The following MLLT3 variants were observed in gnomAD, a reference collection of about 807,000 sequenced individuals.
MLLT3 encodes the protein protein AF-9.
MLLT3 carries 4 observed loss-of-function variants against 53.2 expected under a neutral mutation model. The ratio of observed to expected loss-of-function variants is 0.08; its 90% CI spans 0.04 to 0.17. The LOEUF (loss-of-function observed/expected upper bound fraction) is 0.17. Ranked by LOEUF, MLLT3 falls within the 10% of genes least tolerant of loss-of-function variation. MLLT3 has a pLI of 1.00. For synonymous variants in MLLT3, 283 were observed against 230.6 expected, an observed-to-expected ratio of 1.23 and a Z score of -2.06; for missense variants, 569 against 684.0, an observed-to-expected ratio of 0.83 and a Z score of 1.87.
chr9:20,571,026 T>A (rs1048781328), intron 2 of MLLT3, among the ~76,000 whole-genome samples: 5 of 152,164 alleles, frequency 3.3e-5, no homozygotes, highest in South Asian at 2.1e-4. Context: ...GCTTTATCAC[T>A]CACTGAAAAT....
chr9:20,428,540 T>G (rs1366703543), intron 4 of MLLT3, among the ~76,000 whole-genome samples: 2 of 152,086 alleles, frequency 1.3e-5, no homozygotes, highest in Non-Finnish European at 2.9e-5. Flanking sequence ...GCTACATTAA[T>G]TTTGTGGAAT....
intron 2 of MLLT3, among the ~76,000 whole-genome samples, chr9:20,582,496 T>C (rs1459017285): frequency 6.6e-6 from 1 of 152,216 alleles, no homozygotes. Flanking sequence ...ATATAATATG[T>C]AGGCTTTTCA....
chr9:20,492,506 ATATAGT>A (rs1563784948), intron 2 of MLLT3, among the ~76,000 whole-genome samples: 2 of 152,168 alleles, frequency 1.3e-5, no homozygotes, highest in Non-Finnish European at 2.9e-5. Context: ...TTTCTTGAAA[ATATAGT>A]TATAAACATA....
At chr9:20,510,404 A>T (rs1159048480) in intron 2 of MLLT3, among the ~76,000 whole-genome samples, 2 of 152,132 alleles carry the variant, frequency 1.3e-5, no homozygotes, top group Non-Finnish European at 2.9e-5. Flanking sequence ...CGAGGTCAGG[A>T]GTTCAAGAGC....
chr9:20,438,227 C>T (rs1337251971), intron 4 of MLLT3, among the ~76,000 whole-genome samples: 1 of 152,186 alleles, frequency 6.6e-6, no homozygotes, highest in Non-Finnish European at 1.5e-5. Context: ...AACAAGATAG[C>T]TTTAACATCA....
intron 2 of MLLT3, among the ~76,000 whole-genome samples, chr9:20,479,701 G>A (rs2118902967): frequency 6.6e-6 from 1 of 152,034 alleles, no homozygotes; most frequent in East Asian, 1.9e-4. Flanking sequence ...TTCCTTCCTG[G>A]GATGCTGTGA....
intron 2 of MLLT3, among the ~76,000 whole-genome samples, chr9:20,591,711 A>G (rs2131186977): frequency 6.6e-6 from 1 of 152,362 alleles, no homozygotes; most frequent in South Asian, 2.1e-4. Context: ...CACAGAAAGA[A>G]TACTTTAAGA....
chr9:20,347,208 T>A (rs904998522), intron 10 of MLLT3, among the ~76,000 whole-genome samples: 1 of 152,150 alleles, frequency 6.6e-6, no homozygotes, highest in Non-Finnish European at 1.5e-5. Context: ...ACTTGGGTGC[T>A]AGTTACATAA....
chr9:20,438,390 T>C (rs1468536941), intron 4 of MLLT3, among the ~76,000 whole-genome samples: 3 of 152,066 alleles, frequency 2.0e-5, no homozygotes, highest in African/African-American at 7.2e-5. Flanking sequence ...TGGGGTGTTA[T>C]AGAGTGGGGA....
chr9:20,565,614 C>T (rs1170644181), intron 2 of MLLT3, among the ~76,000 whole-genome samples: 10 of 151,856 alleles, frequency 6.6e-5, no homozygotes, highest in Non-Finnish European at 1.3e-4. Context: ...GTTTTTAAAA[C>T]ATGCCCAGGT....
intron 10 of MLLT3, among the ~76,000 whole-genome samples, chr9:20,351,024 G>A (rs1248841742): frequency 6.6e-6 from 1 of 152,138 alleles, no homozygotes; most frequent in Non-Finnish European, 1.5e-5. Flanking sequence ...CTATGGTCTG[G>A]AAAGCACGGA....
intron 4 of MLLT3, among the ~76,000 whole-genome samples, chr9:20,430,385 T>C (rs1258067931): frequency 2.6e-5 from 4 of 152,140 alleles, no homozygotes; most frequent in Non-Finnish European, 4.4e-5. Flanking sequence ...TATGAAATGA[T>C]AGTAATTACA....
intron 2 of MLLT3, among the ~76,000 whole-genome samples, chr9:20,515,476 T>C (rs911044220): frequency 3.3e-5 from 5 of 152,168 alleles, no homozygotes; most frequent in South Asian, 4.1e-4. Context: ...ACACCATTTT[T>C]AGTTCCTATA....
intron 2 of MLLT3, among the ~76,000 whole-genome samples, chr9:20,511,536 C>T (rs751367788): frequency 1.3e-5 from 2 of 152,046 alleles, no homozygotes; most frequent in South Asian, 2.1e-4. Flanking sequence ...GTAGAAAAGG[C>T]GTTATGCTAT....
Position 20,621,853 on chromosome 9 carries a change from C to G in MLLT3, c.12+392G>C. ...GTCCCCGGACTGTGCCCGCAGCTCC[C>G]GGCGGCGGCGGCTGAAATATGGCTG... On this transcript the variant is annotated intron_variant, in intron 1 of 10. Transcript: ENST00000380338. This position sits in a 1 kb window ranked among gnomAD's most constrained non-coding sequence, Gnocchi z 7.0. The G allele has an allele frequency of 7.3e-7, 1 of 1,372,248 alleles. No individual in the cohort carries two copies. Among genetic ancestry groups the G allele is most frequent in the Non-Finnish European group, 9.3e-7 (1 of 1,070,604 alleles). The allele number at this position is 1,372,248 out of a possible 1,614,324, so 85.0% of individuals were successfully genotyped here.
chr9:20,398,911 CA>C (rs1033445029), intron 5 of MLLT3, among the ~76,000 whole-genome samples: 1 of 150,656 alleles, frequency 6.6e-6, no homozygotes, highest in Non-Finnish European at 1.5e-5. Context: ...AACAAACAAA[CA>C]AAAAAAACAA....
chr9:20,373,457 T>A (rs1474295663), intron 5 of MLLT3, among the ~76,000 whole-genome samples: 4 of 152,222 alleles, frequency 2.6e-5, no homozygotes, highest in Non-Finnish European at 1.5e-5. Context: ...TCAAGGTAGA[T>A]CACAGGGGAG....
intron 2 of MLLT3, among the ~76,000 whole-genome samples, chr9:20,591,027 G>A (rs1252385146): frequency 6.6e-6 from 1 of 152,108 alleles, no homozygotes; most frequent in African/African-American, 2.4e-5. Context: ...TGGGATTAAA[G>A]TTGTGACCCA....
intron 2 of MLLT3, among the ~76,000 whole-genome samples, chr9:20,516,263 A>G (rs1817916549): frequency 6.6e-6 from 1 of 152,238 alleles, no homozygotes; most frequent in Admixed American, 6.5e-5. Context: ...CACAACCAGC[A>G]CAAACGATAT....
Sources: gnomAD v4.1 joint callset for allele counts (sites outside exome capture counted in the v4.1 genomes callset) on GRCh38, gnomAD v4.1.1 for gene constraint, Gnocchi (gnomAD v3.1) non-coding constraint, MANE v1.5 for transcripts, NCBI Gene and HGNC (gene_info 2026-07-23, HGNC 2026-07-21) for gene names.